The following DBT variants were observed in gnomAD, a reference collection of about 807,000 sequenced individuals.
DBT encodes lipoamide acyltransferase component of branched-chain alpha-keto acid dehydrogenase complex, mitochondrial.
Under a neutral mutation model 51.3 loss-of-function variants are expected in DBT, and 40 were observed. The ratio of observed to expected loss-of-function variants is 0.78; its 90% CI spans 0.61 to 1.02. The LOEUF (loss-of-function observed/expected upper bound fraction) is 1.02. Ranked by LOEUF, DBT falls within the 50% of genes least tolerant of loss-of-function variation. The pLI, the probability that DBT is intolerant of heterozygous loss-of-function variation, is 0.00. For synonymous variants in DBT, 181 were observed against 190.4 expected (o/e 0.95, Z 0.41); for missense variants, 510 against 580.2 (o/e 0.88, Z 1.24).
rs1553231609 is a variant in DBT at position 100,225,049 on chromosome 1, A to ATG, written c.433+5683_433+5684insCA. Among the ~76,000 whole-genome samples the ATG allele has an allele frequency of 4.5e-3, 375 of 84,170 alleles. 54 individuals are homozygous for ATG. The highest frequency in any genetic ancestry group is 0.019 in the Middle Eastern group (3 of 158). 55.2% of individuals were successfully genotyped at this position (84,170 alleles called of 152,430 possible). On this transcript the variant is annotated intron_variant, in intron 4 of 10. Transcript: ENST00000370132. ...AAAAAAAAAAAAAAAAAAAATATAT[A>ATG]TATACACACACACACACACACACAC...
At chr1:100,215,186 C>T (rs571889925) in intron 6 of DBT, among the ~76,000 whole-genome samples, 2 of 152,288 alleles carry the variant, frequency 1.3e-5, no homozygotes, top group Non-Finnish European at 1.5e-5. Flanking sequence ...TCATGACACT[C>T]AGTGGCAAAT....
rs188868042 is a variant in DBT at position 100,241,353 on chromosome 1, T to G, written c.52-469A>C. Among the ~76,000 whole-genome samples the G allele has an allele frequency of 2.0e-3, 282 of 144,480 alleles. 4 individuals carry two copies. Among genetic ancestry groups the G allele is most frequent in the Admixed American group, 1.7e-3 (24 of 13,866 alleles). 94.8% of individuals were successfully genotyped at this position (144,480 alleles called of 152,430 possible). On this transcript the variant is annotated intron_variant, in intron 1 of 10. Coordinates refer to ENST00000370132, the MANE Select transcript of DBT (RefSeq NM_001918.5). ...TCAACTCTATATATCAAAACCTAAG[T>G]GTCTGAAAGGTATTGTGTGTGTGTG...
chr1:100,187,649 C>T lies in DBT; in HGVS notation c.*8606G>A, dbSNP rs1660624119. The T allele has an allele frequency of 1.3e-5, 2 of 151,752 alleles. No homozygotes were observed. Among genetic ancestry groups the T allele is most frequent in the African/African-American group, 2.4e-5 (1 of 41,274 alleles). The allele number at this position is 151,752 out of a possible 1,614,324, so 9.4% of individuals were successfully genotyped here. On this transcript the variant is annotated 3_prime_UTR_variant, in exon 11 of 11. Transcript: ENST00000370132. ...CACAGGTGATCTCACTTCAGCTTCC[C>T]GAGTAGCTGGGACCACAGGCGTGCA... is the stretch of plus-strand genomic sequence containing the variant.
chr1:100,241,366 T>TTGTG (rs58256713), intron 1 of DBT, among the ~76,000 whole-genome samples: 6,302 of 143,962 alleles, frequency 0.044, 157 homozygotes, highest in African/African-American at 0.063. Context: ...CTGAAAGGTA[T>TTGTG]TGTGTGTGTG....
At chr1:100,223,004 A>G (rs1662962538) in intron 4 of DBT, among the ~76,000 whole-genome samples, 1 of 152,186 alleles carries the variant, frequency 6.6e-6, no homozygotes, top group South Asian at 2.1e-4. Context: ...GTCTTCTCAG[A>G]AAGTTAGGAA....
In DBT at chr1:100,195,792, G is replaced by A. The variant is rs530670319; in HGVS notation, c.*463C>T. On this transcript the variant is annotated 3_prime_UTR_variant, in exon 11 of 11. Transcript: ENST00000370132. ...CGATTCTCCTGCCTCAGCCTCCCAA[G>A]TAGCTGGGATTATAGGTACCCACCA... The A allele has an allele frequency of 5.7e-6, 1 of 176,006 alleles. No homozygotes were observed. The highest frequency in any genetic ancestry group is 1.2e-5 in the Non-Finnish European group (1 of 82,262). The allele number at this position is 176,006 out of a possible 1,614,324, so 10.9% of individuals were successfully genotyped here.
chr1:100,247,222 G>T (rs947870202), intron 1 of DBT, among the ~76,000 whole-genome samples: 10 of 152,194 alleles, frequency 6.6e-5, no homozygotes, highest in African/African-American at 2.2e-4. Flanking sequence ...ACAAGAAAAT[G>T]ATATTATCAA....
intron 10 of DBT, among the ~76,000 whole-genome samples, chr1:100,198,367 A>G (rs773542879): frequency 4.1e-4 from 62 of 152,228 alleles, no homozygotes; most frequent in Admixed American, 1.7e-3. Context: ...CAGTAAGTGC[A>G]GAGTTTCAGT....
intron 5 of DBT, 70 bp downstream of exon 5, chr1:100,218,556 G>T: frequency 6.5e-7 from 1 of 1,549,510 alleles, no homozygotes; most frequent in Non-Finnish European, 8.9e-7. Flanking sequence ...TGGGATAGTT[G>T]GCTAATTTTT....
chr1:100,212,430 C>T (rs909092386), intron 7 of DBT, among the ~76,000 whole-genome samples: 5 of 151,658 alleles, frequency 3.3e-5, no homozygotes, highest in East Asian at 3.9e-4. Flanking sequence ...TCCAGCTTCT[C>T]GGGAGGCTGA....
rs1660760102 is a variant in DBT at position 100,190,482 on chromosome 1, A to G, written c.*5773T>C. On this transcript the variant is annotated 3_prime_UTR_variant, in exon 11 of 11. Transcript: ENST00000370132. The stretch of plus-strand genomic sequence containing the variant: ...ATTACCCTGCCACAATGAAATTTGT[A>G]GAGGTCTGGGATCAGTCTCTAATAC... 1 of 152,234 alleles carries G rather than the reference A, an allele frequency of 6.6e-6. No homozygotes were observed. Among genetic ancestry groups the G allele is most frequent in the South Asian group, 2.1e-4 (1 of 4,830 alleles). The allele number at this position is 152,234 out of a possible 1,614,324, so 9.4% of individuals were successfully genotyped here.
At chr1:100,239,939 C>A (rs899467180) in intron 2 of DBT, among the ~76,000 whole-genome samples, 4 of 151,272 alleles carry the variant, frequency 2.6e-5, no homozygotes, top group Admixed American at 2.6e-4. Flanking sequence ...TTTTTCATTC[C>A]CAGCACAAAC....
rs1407313813 is a variant in DBT, at chr1:100,186,963, G to A, written c.*9292C>T. On this transcript the variant is annotated 3_prime_UTR_variant, in exon 11 of 11. Transcript: ENST00000370132. ...TTTATTCTATAGCCTACTGGGAATT[G>A]GCCAGAAGTTAGAAGGACATTGGAA... 1 of 152,052 alleles carries A rather than the reference G, an allele frequency of 6.6e-6. No individual in the cohort carries two copies. The highest frequency in any genetic ancestry group is 1.5e-5 in the Non-Finnish European group (1 of 68,006). The allele number at this position is 152,052 out of a possible 1,614,324, so 9.4% of individuals were successfully genotyped here. A position where few individuals can be genotyped will look rare whatever the true frequency, so the allele number is the denominator to read the frequency against.
At position 100,191,189 on chromosome 1, in the gene DBT, T is replaced by A. The variant is rs1167214790; in HGVS notation, c.*5066A>T. Reference sequence around the variant, plus strand: ...CGCAAACATTTTAAGAAAAATCAGATGAATAGAGAATACTGAAGTTAGTAA... The same window carrying A: ...CGCAAACATTTTAAGAAAAATCAGAAGAATAGAGAATACTGAAGTTAGTAA... On this transcript the variant is annotated 3_prime_UTR_variant, in exon 11 of 11. Coordinates refer to ENST00000370132, the MANE Select transcript of DBT (RefSeq NM_001918.5). The A allele has an allele frequency of 6.6e-6, 1 of 152,194 alleles. No individual in the cohort carries two copies. The highest frequency in any genetic ancestry group is 1.5e-5 in the Non-Finnish European group (1 of 68,032). The allele number at this position is 152,194 out of a possible 1,614,324, so 9.4% of individuals were successfully genotyped here.
chr1:100,216,225 A>AAAAATACAACTATTTAAAAACATC (rs1553230860), intron 5 of DBT, 26 bp from the exon 6 acceptor site: 1 of 1,485,726 alleles, frequency 6.7e-7, no homozygotes, highest in Non-Finnish European at 9.4e-7. Flanking sequence ...TTTTAATGCC[A>AAAAATACAACTATTTAAAAACATC]AAAATACAAC....
At position 100,237,190 on chromosome 1, in the gene DBT, G is replaced by A. The variant is rs190942935; in HGVS notation, c.176-1679C>T. Reference sequence around the variant, plus strand: ...TGCTGCCCTAAAATCCTCATGCAAGGAAGTTGATCTAGTCTACTGGAGGAT... The same window carrying A: ...TGCTGCCCTAAAATCCTCATGCAAGAAAGTTGATCTAGTCTACTGGAGGAT... On this transcript the variant is annotated intron_variant, in intron 2 of 10. Coordinates refer to ENST00000370132, the MANE Select transcript of DBT (RefSeq NM_001918.5). Among the ~76,000 whole-genome samples, 42 of 152,298 alleles carry A rather than the reference G, an allele frequency of 2.8e-4. No individual in the cohort carries two copies. The East Asian group carries it at 7.1e-3, about 26-fold the overall frequency.
rs1388370584 is a variant in DBT, at chr1:100,187,717, T to G, written c.*8538A>C. ...CTTTTTGTATTTTTTTTTTTTTTTT[T>G]GTAGAGACGAGGTTTTACCATGTTG... On this transcript the variant is annotated 3_prime_UTR_variant, in exon 11 of 11. Transcript: ENST00000370132. The G allele has an allele frequency of 6.6e-6, 1 of 151,326 alleles. No individual in the cohort carries two copies. Among genetic ancestry groups the G allele is most frequent in the Admixed American group, 6.6e-5 (1 of 15,196 alleles). The allele number at this position is 151,326 out of a possible 1,614,324, so 9.4% of individuals were successfully genotyped here.
intron 1 of DBT, among the ~76,000 whole-genome samples, chr1:100,248,656 AAAG>A (rs1664704395): frequency 6.6e-6 from 1 of 152,248 alleles, no homozygotes; most frequent in Non-Finnish European, 1.5e-5. Context: ...AAAGATGAAG[AAAG>A]AATAATATTG....
At chr1:100,247,123 G>T (rs1000692136) in intron 1 of DBT, among the ~76,000 whole-genome samples, 1 of 152,196 alleles carries the variant, frequency 6.6e-6, no homozygotes, top group Non-Finnish European at 1.5e-5. Context: ...TTTTGGTAAG[G>T]AATGAGATCT....
Sources: allele counts gnomAD v4.1 joint callset (sites outside exome capture counted in the v4.1 genomes callset), GRCh38; gene constraint gnomAD v4.1.1; transcripts MANE v1.5; gene names NCBI Gene and HGNC (gene_info 2026-07-23, HGNC 2026-07-21).